The following LCORL variants were observed in gnomAD, a reference collection of about 807,000 sequenced individuals.
The protein encoded by LCORL is ligand-dependent nuclear receptor corepressor-like protein.
A neutral mutation model predicts 141.8 loss-of-function variants in LCORL; 41 were observed. That is an observed-to-expected ratio of 0.29 (90% CI 0.23 to 0.38). The LOEUF is 0.38. LCORL is among the 10% of genes least tolerant of loss of function. The pLI is 1.00. For synonymous variants in LCORL, 618 were observed against 694.1 expected, an observed-to-expected ratio of 0.89 and a Z score of 1.72; for missense variants, 1,759 against 2,035.0, an observed-to-expected ratio of 0.86 and a Z score of 2.61.
At chr4:17,974,055 G>A (rs1481027436) in intron 1 of LCORL, among the ~76,000 whole-genome samples, 1 of 152,004 alleles carries the variant, frequency 6.6e-6, no homozygotes. Context: ...TACTACTCGA[G>A]CAAGCTATCA....
At chr4:17,861,580 G>A (rs183566000) in intron 7 of LCORL, among the ~76,000 whole-genome samples, 4 of 152,306 alleles carry the variant, frequency 2.6e-5, no homozygotes, top group East Asian at 1.9e-4. Context: ...GGAGATTAAC[G>A]TGTGGCTCCT....
intron 1 of LCORL, among the ~76,000 whole-genome samples, chr4:17,975,252 A>G (rs1252412089): frequency 5.9e-5 from 9 of 152,176 alleles, no homozygotes; most frequent in Admixed American, 5.9e-4. Context: ...TCTATCCCAT[A>G]AACTGTGATA....
At chr4:17,859,580 C>G (rs1724758878) in intron 7 of LCORL, among the ~76,000 whole-genome samples, 1 of 152,082 alleles carries the variant, frequency 6.6e-6, no homozygotes, top group African/African-American at 2.4e-5. Context: ...ATGAGGAGCA[C>G]TAGAAATGAT....
At chr4:17,878,184 G>T in exon 7 of LCORL, 1 of 1,229,522 alleles carries the variant, frequency 8.1e-7, no homozygotes, top group Non-Finnish European at 1.0e-6. Flanking sequence ...CATTTTAGTA[G>T]CTTCCTCTGA....
chr4:17,939,842 G>GA (rs1211628270), intron 4 of LCORL, among the ~76,000 whole-genome samples: 3 of 149,388 alleles, frequency 2.0e-5, no homozygotes, highest in Non-Finnish European at 4.4e-5. Flanking sequence ...ATGAAATCTG[G>GA]AAAAAAATAA....
At position 18,021,820 on chromosome 4, in the gene LCORL, T is replaced by C. The variant is rs1172898579; in HGVS notation, c.-69A>G. The stretch of plus-strand genomic sequence containing the variant: ...AGGCACGAGGCAGGGGCGCGAGCCC[T>C]CGGCGCGAGCCCCGGAGCGCGCGCC... On this transcript the variant is annotated 5_prime_UTR_variant, in exon 1 of 8. Transcript: ENST00000635767. The surrounding 1 kb of genome is among the most constrained non-coding windows in gnomAD (Gnocchi z 5.5). 2.3e-6 allele frequency: 3 copies of C among 1,301,860 alleles called. No homozygotes were observed. Among genetic ancestry groups the C allele is most frequent in the Non-Finnish European group, 3.0e-6 (3 of 1,004,494 alleles). 80.6% of individuals were successfully genotyped at this position (1,301,860 alleles called of 1,614,324 possible). A position where few individuals can be genotyped will look rare whatever the true frequency, so the allele number is the denominator to read the frequency against.
chr4:17,940,134 G>GTGTATATATATGTATATATATGTATACA (rs1560375770), intron 4 of LCORL, among the ~76,000 whole-genome samples: 5 of 141,722 alleles, frequency 3.5e-5, no homozygotes, highest in African/African-American at 1.4e-4. Context: ...ATATGTATAT[G>GTGTATATATATGTATATATATGTATACA]TGTATATATA....
chr4:17,875,984 T>C, exon 7 of LCORL: 2 of 1,231,232 alleles, frequency 1.6e-6, no homozygotes, highest in Non-Finnish European at 1.0e-6. Context: ...CTGTTTTTTC[T>C]TCAGTTACGT....
intron 4 of LCORL, among the ~76,000 whole-genome samples, chr4:17,931,247 T>C (rs1426650389): frequency 6.6e-6 from 1 of 152,120 alleles, no homozygotes; most frequent in Non-Finnish European, 1.5e-5. Flanking sequence ...TAGTGGTCTA[T>C]TTTGTTGACT....
chr4:17,969,028 TAC>T (rs1302831274), intron 2 of LCORL, among the ~76,000 whole-genome samples: 1 of 152,204 alleles, frequency 6.6e-6, no homozygotes, highest in African/African-American at 2.4e-5. Flanking sequence ...TTTGTAAATA[TAC>T]ACAGTCAGGT....
intron 1 of LCORL, among the ~76,000 whole-genome samples, chr4:18,007,700 T>C (rs1052780434): frequency 2.0e-5 from 3 of 152,194 alleles, no homozygotes; most frequent in African/African-American, 7.2e-5. Context: ...CTGAAAATAC[T>C]ATTATTCTTT....
intron 4 of LCORL, among the ~76,000 whole-genome samples, chr4:17,955,151 T>C (rs1180989746): frequency 6.6e-6 from 1 of 151,860 alleles, no homozygotes; most frequent in Admixed American, 6.6e-5. Context: ...CCAGCAAGGA[T>C]CATGTGAAAG....
intron 7 of LCORL, among the ~76,000 whole-genome samples, chr4:17,862,229 A>C (rs1725095201): frequency 6.6e-6 from 1 of 152,244 alleles, no homozygotes; most frequent in Non-Finnish European, 1.5e-5. Flanking sequence ...ACAGTTTCAC[A>C]TTGCTGGGGA....
intron 7 of LCORL, among the ~76,000 whole-genome samples, chr4:17,870,166 A>T (rs905980302): frequency 2.0e-5 from 3 of 151,980 alleles, no homozygotes; most frequent in Non-Finnish European, 2.9e-5. Flanking sequence ...TTTAAAAAAA[A>T]TTTTTGAGAT....
intron 7 of LCORL, among the ~76,000 whole-genome samples, chr4:17,868,284 C>T (rs573335603): frequency 6.6e-6 from 1 of 152,076 alleles, no homozygotes; most frequent in South Asian, 2.1e-4. Context: ...TTTTTGACGA[C>T]AGATGGCAAA....
intron 4 of LCORL, among the ~76,000 whole-genome samples, chr4:17,937,787 TCAAA>T (rs1252213068): frequency 6.6e-6 from 1 of 152,132 alleles, no homozygotes; most frequent in East Asian, 1.9e-4. Flanking sequence ...TGTATATTTT[TCAAA>T]CAAAAACAGG....
intron 3 of LCORL, 55 bp downstream of exon 3, chr4:17,962,915 A>T (rs578236940): frequency 1.6e-5 from 15 of 931,796 alleles, no homozygotes; most frequent in Non-Finnish European, 2.2e-5. Context: ...TAAAAAAAAA[A>T]CTGTGTTACA....
chr4:17,920,527 T>G (rs1734118534), intron 4 of LCORL, among the ~76,000 whole-genome samples: 1 of 152,166 alleles, frequency 6.6e-6, no homozygotes, highest in African/African-American at 2.4e-5. Flanking sequence ...TTTCTTACAT[T>G]AAGACAACAA....
intron 5 of LCORL, among the ~76,000 whole-genome samples, chr4:17,897,213 C>CTTTTTTTT (rs761784734): frequency 4.7e-5 from 3 of 63,996 alleles, no homozygotes; most frequent in African/African-American, 1.7e-4. Context: ...ATACTGATTT[C>CTTTTTTTT]TTTTTTTTTT....
Sources: gnomAD v4.1 joint callset for allele counts (sites outside exome capture counted in the v4.1 genomes callset) on GRCh38, gnomAD v4.1.1 for gene constraint, Gnocchi (gnomAD v3.1) non-coding constraint, MANE v1.5 for transcripts, NCBI Gene and HGNC (gene_info 2026-07-23, HGNC 2026-07-21) for gene names.